The following KCNQ3 variants were observed in gnomAD, a reference collection of about 807,000 sequenced individuals.
KCNQ3 encodes the protein potassium voltage-gated channel subfamily Q member 3.
Under a neutral mutation model 92.5 loss-of-function variants are expected in KCNQ3, and 30 were observed. The ratio of observed to expected loss-of-function variants is 0.32; its 90% CI spans 0.24 to 0.44. The LOEUF (loss-of-function observed/expected upper bound fraction) is 0.44, where lower values mean the gene tolerates loss of function less well. Ranked by LOEUF, KCNQ3 falls within the 20% of genes least tolerant of loss-of-function variation. KCNQ3 has a pLI of 1.00. For missense variants in KCNQ3, 913 were observed against 1,140.3 expected (o/e 0.80, Z 2.87); for synonymous variants, 450 against 468.8 (o/e 0.96, Z 0.52).
chr8:132,197,706 A>T (rs1030952520), intron 1 of KCNQ3, among the ~76,000 whole-genome samples: 2 of 152,158 alleles, frequency 1.3e-5, no homozygotes, highest in African/African-American at 4.8e-5. Context: ...CGTGTATTCT[A>T]TGTATCAGGC....
chr8:132,162,465 T>A (rs892154941), intron 9 of KCNQ3, among the ~76,000 whole-genome samples: 3 of 152,156 alleles, frequency 2.0e-5, no homozygotes, highest in Non-Finnish European at 4.4e-5. Context: ...TTGGTTTCCA[T>A]AGAATTATCT....
At chr8:132,166,391 T>C (rs1826144995) in intron 8 of KCNQ3, among the ~76,000 whole-genome samples, 1 of 152,198 alleles carries the variant, frequency 6.6e-6, no homozygotes, top group African/African-American at 2.4e-5. Flanking sequence ...TCATCCCTGC[T>C]TGTATATAAG....
At chr8:132,329,761 A>G (rs1191502091) in intron 1 of KCNQ3, among the ~76,000 whole-genome samples, 1 of 152,216 alleles carries the variant, frequency 6.6e-6, no homozygotes, top group Non-Finnish European at 1.5e-5. Context: ...CAAACTCTAG[A>G]GGACAAACAA....
intron 1 of KCNQ3, among the ~76,000 whole-genome samples, chr8:132,187,952 T>TGGTTA (rs879803151): frequency 6.6e-6 from 1 of 150,946 alleles, no homozygotes; most frequent in Non-Finnish European, 1.5e-5. Flanking sequence ...GTGGTGGTGG[T>TGGTTA]TGTGATGATG....
At chr8:132,206,374 C>A (rs1813656395) in intron 1 of KCNQ3, among the ~76,000 whole-genome samples, 1 of 152,188 alleles carries the variant, frequency 6.6e-6, no homozygotes, top group Non-Finnish European at 1.5e-5. Context: ...CTATGCATTT[C>A]TAGTCCTCTG....
At chr8:132,329,071 C>A (rs891915955) in intron 1 of KCNQ3, among the ~76,000 whole-genome samples, 1 of 152,176 alleles carries the variant, frequency 6.6e-6, no homozygotes, top group Non-Finnish European at 1.5e-5. Context: ...GGATTGAGCA[C>A]CAGTAAACAA....
chr8:132,271,301 T>C (rs770817910), intron 1 of KCNQ3, among the ~76,000 whole-genome samples: 16 of 152,230 alleles, frequency 1.1e-4, no homozygotes, highest in Non-Finnish European at 8.8e-5. Flanking sequence ...CCCACATCAT[T>C]GTAAAGTGGC....
intron 1 of KCNQ3, among the ~76,000 whole-genome samples, chr8:132,375,081 T>C (rs1819573994): frequency 2.0e-5 from 3 of 152,204 alleles, no homozygotes; most frequent in Admixed American, 2.0e-4. Context: ...GTTCCATTTT[T>C]AGCTCTTTGA....
At chr8:132,138,052 G>A (rs1179496592) in intron 11 of KCNQ3, 36 bp from the exon 12 acceptor site, 1 of 1,601,242 alleles carries the variant, frequency 6.2e-7, no homozygotes, top group Non-Finnish European at 8.5e-7. Flanking sequence ...TGCATCCCAT[G>A]TGGAGAGTGC....
intron 1 of KCNQ3, among the ~76,000 whole-genome samples, chr8:132,237,318 T>G (rs1477995435): frequency 1.3e-5 from 2 of 152,188 alleles, no homozygotes; most frequent in Non-Finnish European, 2.9e-5. Flanking sequence ...ACAATTGACA[T>G]CTACTCTGTG....
At chr8:132,333,526 GAAGA>G (rs1397834901) in intron 1 of KCNQ3, among the ~76,000 whole-genome samples, 1 of 151,992 alleles carries the variant, frequency 6.6e-6, no homozygotes, top group Non-Finnish European at 1.5e-5. Context: ...GAAATACAAA[GAAGA>G]AAGAAAAATT....
intron 1 of KCNQ3, among the ~76,000 whole-genome samples, chr8:132,479,314 C>T (rs1218325711): frequency 6.6e-6 from 1 of 152,168 alleles, no homozygotes; most frequent in African/African-American, 2.4e-5. Context: ...GGGTGCAAAC[C>T]TCCAGGCCAA....
At chr8:132,339,462 T>C (rs970961970) in intron 1 of KCNQ3, among the ~76,000 whole-genome samples, 7 of 152,200 alleles carry the variant, frequency 4.6e-5, no homozygotes, top group Non-Finnish European at 2.9e-5. Flanking sequence ...GCTTCTTCAC[T>C]GGTTTCTTTA....
chr8:132,369,758 A>G (rs531921648), intron 1 of KCNQ3, among the ~76,000 whole-genome samples: 1 of 152,334 alleles, frequency 6.6e-6, no homozygotes, highest in Non-Finnish European at 1.5e-5. Context: ...CTGATCCTGG[A>G]AACAAGTTCT....
intron 12 of KCNQ3, among the ~76,000 whole-genome samples, chr8:132,135,457 A>G (rs887468348): frequency 4.0e-5 from 6 of 151,326 alleles, no homozygotes; most frequent in African/African-American, 1.5e-4. Flanking sequence ...CTCCTTGGAA[A>G]CCCAGCTGCT....
chr8:132,434,308 C>T (rs2130828451), intron 1 of KCNQ3, among the ~76,000 whole-genome samples: 1 of 152,172 alleles, frequency 6.6e-6, no homozygotes, highest in Non-Finnish European at 1.5e-5. Context: ...TCCATCTCCT[C>T]CTCTGTTTTT....
chr8:132,349,990 A>G (rs1040826999), intron 1 of KCNQ3, among the ~76,000 whole-genome samples: 3 of 152,232 alleles, frequency 2.0e-5, no homozygotes, highest in African/African-American at 4.8e-5. Flanking sequence ...ATCATGCTTC[A>G]TGGATGGGGA....
At chr8:132,148,067 G>A (rs1473497392) in intron 9 of KCNQ3, among the ~76,000 whole-genome samples, 1 of 152,094 alleles carries the variant, frequency 6.6e-6, no homozygotes, top group Non-Finnish European at 1.5e-5. Flanking sequence ...TCTAAGAAAA[G>A]ACTATAAATG....
intron 1 of KCNQ3, among the ~76,000 whole-genome samples, chr8:132,276,070 T>G (rs1219834179): frequency 6.6e-6 from 1 of 152,226 alleles, no homozygotes; most frequent in Admixed American, 6.5e-5. Context: ...ATTTGCACAA[T>G]AGTCTCAGTG....
Sources: gnomAD v4.1 joint callset for allele counts (sites outside exome capture counted in the v4.1 genomes callset) on GRCh38, gnomAD v4.1.1 for gene constraint, MANE v1.5 for transcripts, NCBI Gene and HGNC (gene_info 2026-07-23, HGNC 2026-07-21) for gene names.